GRID2: variants seen among roughly 807,000 people sequenced by gnomAD.
GRID2 encodes the protein glutamate ionotropic receptor delta type subunit 2.
In GRID2, 33 loss-of-function variants were observed where a neutral mutation model predicts 114.8. The observed-to-expected ratio is 0.29, with a 90% CI of 0.22 to 0.38. The LOEUF (loss-of-function observed/expected upper bound fraction) is 0.38. Among genes scored for constraint, GRID2 ranks in the 10% least tolerant of loss-of-function variants. GRID2 has a pLI of 1.00. For synonymous variants in GRID2, 505 were observed against 449.9 expected (o/e 1.12, Z -1.55); for missense variants, 1,184 against 1,257.7 (o/e 0.94, Z 0.89).
chr4:92,547,584 A>G (rs919746340), intron 1 of GRID2, among the ~76,000 whole-genome samples: 2 of 152,152 alleles, frequency 1.3e-5, no homozygotes, highest in Admixed American at 6.5e-5. Context: ...AAATACTCAC[A>G]TTTTAAAATT....
At chr4:92,638,702 T>C (rs1329960819) in intron 2 of GRID2, among the ~76,000 whole-genome samples, 1 of 150,462 alleles carries the variant, frequency 6.6e-6, no homozygotes, top group South Asian at 2.1e-4. Context: ...ATGAGAACTC[T>C]TGTAAATAAA....
At chr4:93,123,623 A>T (rs1318257698) in intron 4 of GRID2, among the ~76,000 whole-genome samples, 2 of 152,198 alleles carry the variant, frequency 1.3e-5, no homozygotes, top group African/African-American at 4.8e-5. Flanking sequence ...ATAAGAACAG[A>T]CACAGTTAAA....
At chr4:92,824,727 T>A (rs2149391450) in intron 2 of GRID2, among the ~76,000 whole-genome samples, 1 of 152,238 alleles carries the variant, frequency 6.6e-6, no homozygotes, top group Admixed American at 6.5e-5. Flanking sequence ...ACTCATAAAC[T>A]ACTGTATAAA....
chr4:93,511,069 T>C (rs2149485970), intron 12 of GRID2, among the ~76,000 whole-genome samples: 1 of 152,202 alleles, frequency 6.6e-6, no homozygotes. Flanking sequence ...TGTGAGTAGC[T>C]GGGATTACAG....
intron 13 of GRID2, among the ~76,000 whole-genome samples, chr4:93,515,630 A>G (rs1729643897): frequency 6.6e-6 from 1 of 152,158 alleles, no homozygotes; most frequent in African/African-American, 2.4e-5. Context: ...TTCCATTTGA[A>G]TTCCAAAATC....
chr4:92,832,681 A>G (rs1742198492), intron 2 of GRID2, among the ~76,000 whole-genome samples: 1 of 152,066 alleles, frequency 6.6e-6, no homozygotes, highest in South Asian at 2.1e-4. Flanking sequence ...AGGGTGAAGC[A>G]CCACACCTGG....
chr4:92,622,599 T>C (rs1017275791), intron 2 of GRID2, among the ~76,000 whole-genome samples: 2 of 151,640 alleles, frequency 1.3e-5, no homozygotes, highest in African/African-American at 2.4e-5. Flanking sequence ...TCCCTCATTT[T>C]TAAAAAAGAT....
intron 2 of GRID2, among the ~76,000 whole-genome samples, chr4:93,069,687 G>A (rs1028812783): frequency 7.2e-5 from 11 of 152,046 alleles, no homozygotes; most frequent in Non-Finnish European, 1.5e-4. Flanking sequence ...GAGAAATGTC[G>A]TTATGTTTTC....
intron 9 of GRID2, among the ~76,000 whole-genome samples, chr4:93,416,783 A>G (rs567378481): frequency 6.6e-6 from 1 of 152,248 alleles, no homozygotes; most frequent in South Asian, 2.1e-4. Context: ...TCATGAAGTT[A>G]TTATCTAATA....
At chr4:93,725,809 C>T (rs542862658) in intron 14 of GRID2, among the ~76,000 whole-genome samples, 65 of 152,182 alleles carry the variant, frequency 4.3e-4, no homozygotes, top group Non-Finnish European at 6.3e-4. Flanking sequence ...TCATGTCCTT[C>T]GCCCACTTGT....
chr4:92,771,809 G>C (rs1738558085), intron 2 of GRID2, among the ~76,000 whole-genome samples: 1 of 152,164 alleles, frequency 6.6e-6, no homozygotes, highest in Admixed American at 6.5e-5. Flanking sequence ...AGCTACCCAA[G>C]GGAGGTAATG....
chr4:93,330,376 G>A (rs752523), intron 8 of GRID2, among the ~76,000 whole-genome samples: 2 of 152,078 alleles, frequency 1.3e-5, no homozygotes, highest in Non-Finnish European at 2.9e-5. Context: ...CCATCACATG[G>A]GTGATTACCA....
At chr4:93,539,574 T>C (rs185613495) in intron 13 of GRID2, among the ~76,000 whole-genome samples, 1,739 of 152,162 alleles carry the variant, frequency 0.011, 19 homozygotes, top group Non-Finnish European at 0.02. Context: ...ATGCTTTTTT[T>C]CCTTGGTTTA....
chr4:93,026,332 T>C (rs1391136987), intron 2 of GRID2, among the ~76,000 whole-genome samples: 1 of 151,892 alleles, frequency 6.6e-6, no homozygotes, highest in African/African-American at 2.4e-5. Context: ...CACACAATAC[T>C]CTTAGCATAG....
At chr4:92,781,282 A>C (rs1408804359) in intron 2 of GRID2, among the ~76,000 whole-genome samples, 4 of 151,960 alleles carry the variant, frequency 2.6e-5, no homozygotes, top group Non-Finnish European at 4.4e-5. Context: ...AAACAACAAC[A>C]AAAAAACAAA....
intron 4 of GRID2, among the ~76,000 whole-genome samples, chr4:93,169,826 T>C (rs1738621269): frequency 6.6e-6 from 1 of 152,140 alleles, no homozygotes; most frequent in Admixed American, 6.5e-5. Context: ...CTAAATGTAA[T>C]TGCAGGAATC....
intron 1 of GRID2, among the ~76,000 whole-genome samples, chr4:92,450,780 G>A (rs1720876414): frequency 6.7e-6 from 1 of 150,038 alleles, no homozygotes; most frequent in Non-Finnish European, 1.5e-5. Context: ...ATGTGTAAAA[G>A]TGTGTTAATA....
At chr4:92,347,325 A>G (rs569162915) in intron 1 of GRID2, among the ~76,000 whole-genome samples, 46 of 152,148 alleles carry the variant, frequency 3.0e-4, no homozygotes, top group Non-Finnish European at 4.7e-4. Context: ...CACATGCAAT[A>G]TGTGTGTGTG....
At chr4:92,942,719 T>G (rs1174967470) in intron 2 of GRID2, among the ~76,000 whole-genome samples, 2 of 152,184 alleles carry the variant, frequency 1.3e-5, no homozygotes, top group African/African-American at 4.8e-5. Context: ...GGTTGTTCCT[T>G]TCCACGTTTA....
Sources: allele counts gnomAD v4.1 joint callset (sites outside exome capture counted in the v4.1 genomes callset), GRCh38; gene constraint gnomAD v4.1.1; transcripts MANE v1.5; gene names NCBI Gene and HGNC (gene_info 2026-07-23, HGNC 2026-07-21).